Variants in ENPP7 observed in about 807,000 individuals in gnomAD.
ENPP7 encodes the protein ectonucleotide pyrophosphatase/phosphodiesterase family member 7.
A neutral mutation model predicts 33.6 loss-of-function variants in ENPP7; 39 were observed. That is an observed-to-expected ratio of 1.16 (90% CI 0.90 to 1.52). The LOEUF (loss-of-function observed/expected upper bound fraction) is 1.52, where lower values mean the gene tolerates loss of function less well. Ranked by LOEUF, ENPP7 falls within the 40% of genes most tolerant of loss-of-function variation. The pLI is 0.00. For missense variants in ENPP7, 594 were observed against 641.0 expected (o/e 0.93, Z 0.79); for synonymous variants, 244 against 274.3 (o/e 0.89, Z 1.09).
intron 5 of ENPP7, among the ~76,000 whole-genome samples, chr17:79,740,973 GCTT>G (rs2145798300): frequency 1.3e-5 from 2 of 152,200 alleles, no homozygotes; most frequent in South Asian, 4.1e-4. Flanking sequence ...TCTGTGGCTA[GCTT>G]CTTTTCTTTT....
At chr17:79,732,172 G>GTATATATATATATATACACACATATAT (rs2094287973) in intron 1 of ENPP7, among the ~76,000 whole-genome samples, 1 of 55,290 alleles carries the variant, frequency 1.8e-5, no homozygotes, top group African/African-American at 5.0e-5. Flanking sequence ...ATATATATAT[G>GTATATATATATATATACACACATATAT]AGGCCAAGGC....
rs2094293577 is a variant in ENPP7, at chr17:79,735,370, A to G, written c.727A>G (p.Ile243Val). The change falls in exon 3 of 6, where the codon ATC becomes GTC. Residue 243 changes from isoleucine (I) to valine (V), a missense_variant. This residue lies in a region of ENPP7 where 504 missense variants were observed against 512.8 expected (regional missense o/e 0.98). Transcript: ENST00000328313. The surrounding 1 kb of genome is among the most constrained non-coding windows in gnomAD (Gnocchi z 5.5). Reference protein sequence around the residue: ...NHLTDRLNLIITSDHGMTTVD... With the variant: ...NHLTDRLNLIVTSDHGMTTVD... ...CCTCACAGACCGCCTCAACCTGATC[A>G]TCACATCCGACCACGGCATGACGAC... is the stretch of plus-strand genomic sequence containing the variant. 6.2e-7 allele frequency: 1 copy of G among 1,613,890 alleles called. No homozygotes were observed. The highest frequency in any genetic ancestry group is 8.5e-7 in the Non-Finnish European group (1 of 1,180,024).
At chr17:79,734,822 C>A (rs1236066682) in intron 2 of ENPP7, among the ~76,000 whole-genome samples, 1 of 152,148 alleles carries the variant, frequency 6.6e-6, no homozygotes, top group African/African-American at 2.4e-5. Flanking sequence ...TGCTCAAGTC[C>A]AGTGGGCACC....
intron 3 of ENPP7, among the ~76,000 whole-genome samples, chr17:79,736,635 T>A (rs1459072783): frequency 2.0e-5 from 3 of 147,758 alleles, no homozygotes; most frequent in Non-Finnish European, 4.5e-5. Context: ...ATGGAAGAGG[T>A]AGGAAAGAGT....
intron 1 of ENPP7, among the ~76,000 whole-genome samples, chr17:79,732,138 A>G (rs1475494136): frequency 6.1e-5 from 3 of 48,962 alleles, no homozygotes; most frequent in African/African-American, 2.5e-4. Context: ...ATATGTATAT[A>G]TATATATATA....
chr17:79,738,317 C>T lies in ENPP7; in HGVS notation c.*16+255C>T, dbSNP rs1244989935. ...CACCCGGACCAGTGGCCAGAATTCC[C>T]ACCCTCCCCCAAAAGCCAGAACTCC... On this transcript the variant is annotated intron_variant, in intron 5 of 5. Transcript: ENST00000328313. This position sits in a 1 kb window ranked among gnomAD's most constrained non-coding sequence, Gnocchi z 6.2. The T allele has an allele frequency of 7.2e-6, 3 of 413,970 alleles. No individual in the cohort carries two copies. Among genetic ancestry groups the T allele is most frequent in the African/African-American group, 2.0e-5 (1 of 50,786 alleles). 25.6% of individuals were successfully genotyped at this position (413,970 alleles called of 1,614,324 possible).
intron 5 of ENPP7, among the ~76,000 whole-genome samples, chr17:79,740,236 G>GT (rs1372364186): frequency 2.6e-5 from 4 of 152,140 alleles, no homozygotes; most frequent in Admixed American, 2.6e-4. Context: ...CGGGTTTAGG[G>GT]TTTAGAGAAG....
Position 79,737,179 on chromosome 17 carries a change from G to C in ENPP7, c.1165G>C (p.Glu389Gln), listed in dbSNP as rs782527487. 6 of 1,613,496 alleles carry C rather than the reference G, an allele frequency of 3.7e-6. No homozygotes were observed. The highest frequency in any genetic ancestry group is 1.7e-5 in the Admixed American group (1 of 60,010). The change falls in exon 4 of 6, where the codon GAG becomes CAG. Residue 389 changes from glutamate to glutamine, a missense_variant. Transcript: ENST00000328313. The surrounding 1 kb of genome is among the most constrained non-coding windows in gnomAD (Gnocchi z 5.5). The stretch of plus-strand genomic sequence containing the variant: ...GCCCTTTGAGAGCGTCCACGTGTAC[G>C]AGCTCATGTGCCGGCTGCTGGGCAT... ...VEPFESVHVY[E>Q]LMCRLLGIVP...
Position 79,733,574 on chromosome 17 carries a change from T to C in ENPP7, c.320T>C (p.Leu107Pro), listed in dbSNP as rs534325591. 69 of 1,613,582 alleles carry C rather than the reference T, an allele frequency of 4.3e-5. 2 individuals are homozygous for C. In the South Asian group the frequency reaches 7.1e-4, roughly 17 times the overall value. ...MYYNTTSKVKLPYHATLGIQR... is the reference protein window; with the variant it reads ...MYYNTTSKVKPPYHATLGIQR... ...TACAACACCACCAGCAAGGTGAAGCTGCCCTACCACGCCACGCTGGGCATC... is the reference window on the plus strand; with the variant it reads ...TACAACACCACCAGCAAGGTGAAGCCGCCCTACCACGCCACGCTGGGCATC... The change falls in exon 2 of 6, where the codon CTG (leucine) becomes CCG (proline). Residue 107 changes from leucine to proline, a missense_variant. Transcript: ENST00000328313.
In ENPP7 at chr17:79,738,761, G is replaced by T. The variant is rs1555824125; in HGVS notation, c.*16+699G>T. ...GGAGAGCTCCGGGGCTGTGTTCCTG[G>T]AACTCCCCGGGAGCCTCCGAGGACA... On this transcript the variant is annotated intron_variant, in intron 5 of 5. Transcript: ENST00000328313. The surrounding 1 kb of genome is among the most constrained non-coding windows in gnomAD (Gnocchi z 6.2). 6.6e-6 allele frequency: 1 copy of T among 152,092 alleles called. No individual in the cohort carries two copies. The highest frequency in any genetic ancestry group is 1.9e-4 in the East Asian group (1 of 5,160). The allele number at this position is 152,092 out of a possible 1,614,324, so 9.4% of individuals were successfully genotyped here.
intron 2 of ENPP7, 143 bp downstream of exon 2, chr17:79,733,796 GGT>G: frequency 1.1e-6 from 1 of 911,820 alleles, no homozygotes; most frequent in Non-Finnish European, 1.6e-6. Flanking sequence ...GGCACAGAAG[GGT>G]GTGAAGTAGG....
In ENPP7 at chr17:79,735,385, G is replaced by A. The variant is rs782281853; in HGVS notation, c.742G>A (p.Gly248Ser). The A allele has an allele frequency of 1.2e-5, 20 of 1,613,856 alleles. No homozygotes were observed. Among genetic ancestry groups the A allele is most frequent in the South Asian group, 2.2e-5 (2 of 91,082 alleles). Residue 248 changes from glycine (G) to serine (S), a missense_variant, in exon 3 of 6, where the codon GGC becomes AGC. Around this residue, in one of 3 missense-constraint regions of ENPP7, gnomAD observed 504 missense variants for 512.8 expected, o/e 0.98. Transcript: ENST00000328313. This position sits in a 1 kb window ranked among gnomAD's most constrained non-coding sequence, Gnocchi z 5.5. ...CAACCTGATCATCACATCCGACCAC[G>A]GCATGACGACCGTGGACAAACGGGC... ...RLNLIITSDH[G>S]MTTVDKRAGD...
At position 79,741,580 on chromosome 17, in the gene ENPP7, C is replaced by A. The variant is rs372991824; in HGVS notation, c.*17-214C>A. On this transcript the variant is annotated intron_variant, in intron 5 of 5. Coordinates refer to ENST00000328313, the MANE Select transcript of ENPP7 (RefSeq NM_178543.5). The stretch of plus-strand genomic sequence containing the variant: ...ACACCTGCCCCGCACCTGTGCCCTC[C>A]CAGGAATCCCTACACAGGCCCTTCT... 2.2e-3 allele frequency among the ~76,000 whole-genome samples: 338 copies of A among 152,118 alleles called. 1 individual carries two copies. The highest frequency in any genetic ancestry group is 7.8e-3 in the African/African-American group (322 of 41,480).
chr17:79,731,010 C>G lies in ENPP7; in HGVS notation c.-130C>G. The G allele has an allele frequency of 1.0e-5, 11 of 1,063,360 alleles. No homozygotes were observed. Among genetic ancestry groups the G allele is most frequent in the Non-Finnish European group, 1.4e-5 (11 of 758,706 alleles). The allele number at this position is 1,063,360 out of a possible 1,614,324, so 65.9% of individuals were successfully genotyped here. ...GGGAGCCCACTCCCGAGGTTCGACC[C>G]GGGGATGTGCACAGCCACATTCCAA... On this transcript the variant is annotated 5_prime_UTR_variant, in exon 1 of 6. Coordinates refer to ENST00000328313, the MANE Select transcript of ENPP7 (RefSeq NM_178543.5).
chr17:79,734,933 G>A, intron 2 of ENPP7, 110 bp from the exon 3 acceptor site: 2 of 1,114,082 alleles, frequency 1.8e-6, no homozygotes, highest in Non-Finnish European at 2.6e-6. Flanking sequence ...GAGCAGGGAT[G>A]GGTGGGTGGA....
rs1278394972 is a variant in ENPP7, at chr17:79,733,113, C to G, written c.254-395C>G. 3.3e-5 allele frequency among the ~76,000 whole-genome samples: 5 copies of G among 152,324 alleles called. No homozygotes were observed. The East Asian group carries it at 9.6e-4, about 29-fold the overall frequency. On this transcript the variant is annotated intron_variant, in intron 1 of 5. Coordinates refer to ENST00000328313, the MANE Select transcript of ENPP7 (RefSeq NM_178543.5). ...TCCTGCCTGGGATCTCGTCTGATGG[C>G]TGGGCCATCATTTATTTAATGAGTT... is the stretch of plus-strand genomic sequence containing the variant.
intron 2 of ENPP7, 79 bp from the exon 3 acceptor site, chr17:79,734,964 G>A: frequency 6.8e-7 from 1 of 1,476,320 alleles, no homozygotes; most frequent in Non-Finnish European, 9.2e-7. Flanking sequence ...AGGCACGTGG[G>A]GGACAAATGT....
At position 79,739,501 on chromosome 17, in the gene ENPP7, C is replaced by T. The variant is rs1298534267; in HGVS notation, c.*16+1439C>T. The T allele has an allele frequency of 6.6e-6, 1 of 152,174 alleles. No homozygotes were observed. Among genetic ancestry groups the T allele is most frequent in the Non-Finnish European group, 1.5e-5 (1 of 68,066 alleles). The allele number at this position is 152,174 out of a possible 1,614,324, so 9.4% of individuals were successfully genotyped here. A position where few individuals can be genotyped will look rare whatever the true frequency, so the allele number is the denominator to read the frequency against. ...AGATTCCAAATACCTTTAAGAGGCA[C>T]GACATTCGAGGTTTGTGGACAGATT... is the stretch of plus-strand genomic sequence containing the variant. On this transcript the variant is annotated intron_variant, in intron 5 of 5. Transcript: ENST00000328313. The surrounding 1 kb of genome is among the most constrained non-coding windows in gnomAD (Gnocchi z 4.4).
At chr17:79,741,324 G>C (rs1054118881) in intron 5 of ENPP7, among the ~76,000 whole-genome samples, 6 of 152,214 alleles carry the variant, frequency 3.9e-5, no homozygotes, top group Non-Finnish European at 7.3e-5. Flanking sequence ...AGCTAGTGTT[G>C]AAAGTACATG....
Sources: allele counts gnomAD v4.1 joint callset (sites outside exome capture counted in the v4.1 genomes callset), GRCh38; gene constraint gnomAD v4.1.1; regional missense constraint gnomAD v4.1.1; non-coding constraint Gnocchi (gnomAD v3.1); transcripts MANE v1.5; gene names NCBI Gene and HGNC (gene_info 2026-07-23, HGNC 2026-07-21).